Variants in STAG1 observed in about 807,000 individuals in gnomAD.
STAG1 encodes the protein cohesin subunit SA-1.
In STAG1, 26 loss-of-function variants were observed where a neutral mutation model predicts 170.9. The observed-to-expected ratio is 0.15, with a 90% CI of 0.11 to 0.21. STAG1 has a LOEUF of 0.21. STAG1 is among the 10% of genes least tolerant of loss of function. The probability of loss-of-function intolerance (pLI) is 1.00; values close to 1 mark genes in which losing one functional copy is unlikely to be tolerated. For missense variants in STAG1, 964 were observed against 1,509.5 expected (o/e 0.64, Z 5.99); for synonymous variants, 514 against 497.7 (o/e 1.03, Z -0.44).
intron 3 of STAG1, among the ~76,000 whole-genome samples, chr3:136,608,010 ACCTTGGGAGG>A (rs1445378649): frequency 6.6e-6 from 1 of 152,108 alleles, no homozygotes; most frequent in African/African-American, 2.4e-5. Context: ...TAATCCCAGC[ACCTTGGGAGG>A]CCAAGGCGGG....
chr3:136,432,784 C>T (rs1302402161), intron 16 of STAG1, among the ~76,000 whole-genome samples: 1 of 152,180 alleles, frequency 6.6e-6, no homozygotes, highest in Non-Finnish European at 1.5e-5. Context: ...GGATTACAGG[C>T]ATGAGCCACT....
chr3:136,336,464 C>CTGTT lies in STAG1; in HGVS notation c.*1786_*1789dup, dbSNP rs1409746006. ...TGGTAGTCTACAATTCTGTCAGCATCTGTTTTCCATACAAGACTGTCACGC... is the reference window on the plus strand; with the variant it reads ...TGGTAGTCTACAATTCTGTCAGCATCTGTTTGTTTTCCATACAAGACTGTCACGC... On this transcript the variant is annotated 3_prime_UTR_variant, in exon 34 of 34. Coordinates refer to ENST00000383202, the MANE Select transcript of STAG1 (RefSeq NM_005862.3). The CTGTT allele has an allele frequency of 6.6e-6, 1 of 152,254 alleles. No individual in the cohort carries two copies. Among genetic ancestry groups the CTGTT allele is most frequent in the Admixed American group, 6.5e-5 (1 of 15,290 alleles). 9.4% of individuals were successfully genotyped at this position (152,254 alleles called of 1,614,324 possible).
At chr3:136,526,372 T>C (rs1196343585) in intron 6 of STAG1, among the ~76,000 whole-genome samples, 2 of 152,228 alleles carry the variant, frequency 1.3e-5, no homozygotes, top group African/African-American at 2.4e-5. Flanking sequence ...TCTCTTTCTA[T>C]CTTTGTTGGT....
intron 12 of STAG1, 90 bp downstream of exon 12, chr3:136,472,323 T>C: frequency 4.1e-6 from 3 of 724,464 alleles, no homozygotes; most frequent in East Asian, 2.8e-5. Flanking sequence ...AACATATACA[T>C]AAGGACTATA....
intron 23 of STAG1, among the ~76,000 whole-genome samples, chr3:136,369,630 T>A (rs1254420494): frequency 1.3e-5 from 2 of 152,082 alleles, no homozygotes; most frequent in Non-Finnish European, 2.9e-5. Flanking sequence ...TAACCCAACT[T>A]TGCAAATACA....
intron 21 of STAG1, among the ~76,000 whole-genome samples, chr3:136,401,414 T>C (rs775084712): frequency 5.3e-5 from 8 of 152,266 alleles, no homozygotes; most frequent in Non-Finnish European, 8.8e-5. Flanking sequence ...ATAGGACTTC[T>C]GGATCATACA....
intron 1 of STAG1, among the ~76,000 whole-genome samples, chr3:136,713,716 T>C (rs1241066104): frequency 1.3e-5 from 2 of 152,012 alleles, no homozygotes; most frequent in African/African-American, 2.4e-5. Context: ...AGCAAGATCC[T>C]GTCTCTACAA....
intron 19 of STAG1, 56 bp from the exon 20 acceptor site, chr3:136,421,219 A>T: frequency 9.3e-7 from 1 of 1,078,658 alleles, no homozygotes; most frequent in Non-Finnish European, 1.3e-6. Context: ...ATAGTATATT[A>T]CTACTTATTG....
chr3:136,475,673 A>G lies in STAG1; in HGVS notation c.1026+1616T>C, dbSNP rs76446837. Among the ~76,000 whole-genome samples, 105 of 152,310 alleles carry G rather than the reference A, an allele frequency of 6.9e-4. 2 individuals carry two copies. The East Asian group carries it at 0.019, about 28-fold the overall frequency. ...GTCTTGATAGTTCCTGACGTAGGAC[A>G]GCAGTTTGTTAGGATTTTCACTTTT... On this transcript the variant is annotated intron_variant, in intron 10 of 33. Transcript: ENST00000383202.
intron 1 of STAG1, among the ~76,000 whole-genome samples, chr3:136,729,153 G>A (rs1295729825): frequency 1.3e-5 from 2 of 151,924 alleles, no homozygotes; most frequent in South Asian, 4.2e-4. Context: ...GCTAATTTGC[G>A]TGTGTGTGGT....
intron 29 of STAG1, among the ~76,000 whole-genome samples, chr3:136,346,675 G>A (rs746356863): frequency 7.2e-5 from 11 of 152,208 alleles, no homozygotes; most frequent in Admixed American, 1.3e-4. Context: ...TACGTCATTC[G>A]CTATGTGCCA....
chr3:136,622,158 A>AT (rs1939892611), intron 3 of STAG1, among the ~76,000 whole-genome samples: 1 of 138,616 alleles, frequency 7.2e-6, no homozygotes, highest in African/African-American at 2.6e-5. Context: ...AAAAAAAAAA[A>AT]GAAAAGAAAA....
At chr3:136,552,403 A>G (rs1043240820) in intron 5 of STAG1, among the ~76,000 whole-genome samples, 6 of 152,228 alleles carry the variant, frequency 3.9e-5, no homozygotes, top group African/African-American at 1.2e-4. Flanking sequence ...ATTGTAAACA[A>G]TATTATTTAT....
chr3:136,433,447 A>G, intron 16 of STAG1, 109 bp downstream of exon 16: 1 of 785,534 alleles, frequency 1.3e-6, no homozygotes, highest in African/African-American at 1.8e-5. Context: ...CATCATTTAT[A>G]AAAACACCAT....
chr3:136,698,625 C>T (rs1490302075), intron 1 of STAG1, among the ~76,000 whole-genome samples: 2 of 152,298 alleles, frequency 1.3e-5, no homozygotes, highest in Middle Eastern at 3.4e-3. Context: ...TTTGATCCAA[C>T]AATCCCACTG....
chr3:136,650,717 C>T (rs971574586), intron 1 of STAG1, among the ~76,000 whole-genome samples: 1 of 151,802 alleles, frequency 6.6e-6, no homozygotes, highest in Non-Finnish European at 1.5e-5. Context: ...AGCTATAAGG[C>T]AAACAAGTAT....
intron 15 of STAG1, among the ~76,000 whole-genome samples, chr3:136,435,744 A>G (rs910770482): frequency 6.6e-6 from 1 of 152,028 alleles, no homozygotes; most frequent in Non-Finnish European, 1.5e-5. Context: ...ATCTTGGCTC[A>G]CTGCAACCTC....
At chr3:136,715,803 A>C (rs747669578) in intron 1 of STAG1, among the ~76,000 whole-genome samples, 1 of 151,896 alleles carries the variant, frequency 6.6e-6, no homozygotes, top group Non-Finnish European at 1.5e-5. Flanking sequence ...ACATATATAT[A>C]AACTGAAATG....
At chr3:136,738,365 T>C (rs539792116) in intron 1 of STAG1, among the ~76,000 whole-genome samples, 1 of 152,162 alleles carries the variant, frequency 6.6e-6, no homozygotes, top group East Asian at 1.9e-4. Context: ...GTGGCACTCA[T>C]CTGTAATCCC....
Sources: allele counts gnomAD v4.1 joint callset (sites outside exome capture counted in the v4.1 genomes callset), GRCh38; gene constraint gnomAD v4.1.1; transcripts MANE v1.5; gene names NCBI Gene and HGNC (gene_info 2026-07-23, HGNC 2026-07-21).